Variants in ADARB2 observed in about 807,000 individuals in gnomAD.
ADARB2 encodes inactive double-stranded RNA-specific editase B2.
Under a neutral mutation model 62.2 loss-of-function variants are expected in ADARB2, and 25 were observed. The observed-to-expected ratio is 0.40, with a 90% CI of 0.29 to 0.56. The LOEUF is 0.56. Among genes scored for constraint, ADARB2 ranks in the 20% least tolerant of loss-of-function variants. The pLI is 0.43. For synonymous variants in ADARB2, 572 were observed against 500.8 expected (o/e 1.14, Z -1.90); for missense variants, 1,071 against 1,077.4 (o/e 0.99, Z 0.08).
chr10:1,269,985 T>G (rs1831245408), intron 4 of ADARB2, among the ~76,000 whole-genome samples: 1 of 152,170 alleles, frequency 6.6e-6, no homozygotes, highest in African/African-American at 2.4e-5. Context: ...TAAAGCAACT[T>G]TACCTTTCAA....
At chr10:1,478,658 A>G (rs182046191) in intron 1 of ADARB2, among the ~76,000 whole-genome samples, 435 of 151,258 alleles carry the variant, frequency 2.9e-3, no homozygotes, top group Non-Finnish European at 4.9e-3. Context: ...GCACCAAAAC[A>G]AGGACCCTCG....
chr10:1,325,310 C>T (rs1352545799), intron 3 of ADARB2, among the ~76,000 whole-genome samples: 1 of 152,204 alleles, frequency 6.6e-6, no homozygotes, highest in Non-Finnish European at 1.5e-5. Flanking sequence ...TTCATGAGGA[C>T]TTCCGACTGC....
At chr10:1,481,461 C>T (rs767693863) in intron 1 of ADARB2, among the ~76,000 whole-genome samples, 1 of 152,302 alleles carries the variant, frequency 6.6e-6, no homozygotes, top group African/African-American at 2.4e-5. Context: ...TTCTACTTCA[C>T]ATTTAAAAGC....
chr10:1,230,786 C>T (rs1011819757), intron 6 of ADARB2, among the ~76,000 whole-genome samples: 1 of 152,074 alleles, frequency 6.6e-6, no homozygotes, highest in Non-Finnish European at 1.5e-5. Context: ...GATGGGAGAG[C>T]GGAGGAGTGG....
intron 3 of ADARB2, chr10:1,290,904 C>A (rs1027602312): frequency 1.3e-5 from 2 of 152,168 alleles, no homozygotes; most frequent in African/African-American, 4.8e-5. Context: ...TTCTGGTCTA[C>A]TCAGGAAGAT....
intron 4 of ADARB2, among the ~76,000 whole-genome samples, chr10:1,257,712 G>C (rs1365700022): frequency 6.6e-6 from 1 of 152,236 alleles, no homozygotes; most frequent in African/African-American, 2.4e-5. Context: ...GAAGCCAGGA[G>C]ACCCTGTGTT....
intron 1 of ADARB2, among the ~76,000 whole-genome samples, chr10:1,431,607 G>T (rs1830778423): frequency 6.6e-6 from 1 of 151,994 alleles, no homozygotes; most frequent in African/African-American, 2.4e-5. Context: ...AAAGAATAAA[G>T]ATGAGAGAAG....
chr10:1,560,378 C>T (rs1588303026), intron 1 of ADARB2, among the ~76,000 whole-genome samples: 1 of 152,236 alleles, frequency 6.6e-6, no homozygotes, highest in East Asian at 1.9e-4. Context: ...AGCAGAAAAT[C>T]AGACGAGAAG....
rs1175604982 is a variant in ADARB2 at position 1,180,062 on chromosome 10, AG to A, written c.*3130del. 1 of 152,206 alleles carries A rather than the reference AG, an allele frequency of 6.6e-6. No individual in the cohort carries two copies. The highest frequency in any genetic ancestry group is 1.5e-5 in the Non-Finnish European group (1 of 68,074). 9.4% of individuals were successfully genotyped at this position (152,206 alleles called of 1,614,324 possible). A position where few individuals can be genotyped will look rare whatever the true frequency, so the allele number is the denominator to read the frequency against. Reference sequence around the variant, plus strand: ...AATTCAGTGGTCAAAACTGCAGGGCAGACATGGCCTGAAAGTGGTGCTGGGA... The same window carrying A: ...AATTCAGTGGTCAAAACTGCAGGGCAACATGGCCTGAAAGTGGTGCTGGGA... On this transcript the variant is annotated 3_prime_UTR_variant, in exon 10 of 10. Transcript: ENST00000381312.
chr10:1,437,528 GTT>G (rs1830846880), intron 1 of ADARB2, among the ~76,000 whole-genome samples: 2 of 152,204 alleles, frequency 1.3e-5, no homozygotes, highest in Non-Finnish European at 2.9e-5. Flanking sequence ...TTGCACAGCA[GTT>G]GTGTGCCTGG....
rs559383394 is a variant in ADARB2, at chr10:1,223,210, C to G, written c.1514-6091G>C. Among the ~76,000 whole-genome samples, 322 of 152,112 alleles carry G rather than the reference C, an allele frequency of 2.1e-3. 1 individual carries two copies. Among genetic ancestry groups the G allele is most frequent in the African/African-American group, 7.4e-3 (306 of 41,474 alleles). On this transcript the variant is annotated intron_variant, in intron 6 of 9. Coordinates refer to ENST00000381312, the MANE Select transcript of ADARB2 (RefSeq NM_018702.4). The stretch of plus-strand genomic sequence containing the variant: ...ATGGGAGTTCACTCATGATTTGGCT[C>G]TCTGTTTGTCTGTTATTGGTGTATA...
At chr10:1,342,374 C>G (rs1256186246) in intron 3 of ADARB2, among the ~76,000 whole-genome samples, 1 of 152,230 alleles carries the variant, frequency 6.6e-6, no homozygotes, top group Non-Finnish European at 1.5e-5. Flanking sequence ...CTCTGCCCAA[C>G]TACCATGCAC....
intron 1 of ADARB2, chr10:1,534,977 G>A (rs1203943700): frequency 6.0e-6 from 1 of 167,490 alleles, no homozygotes; most frequent in Non-Finnish European, 1.5e-5. Context: ...AGAAGTCACA[G>A]CTGGTTAGGA....
In ADARB2 at chr10:1,367,779, T is replaced by C. The variant is rs368994568; in HGVS notation, c.188-3862A>G. 1.8e-4 allele frequency among the ~76,000 whole-genome samples: 27 copies of C among 152,328 alleles called. 1 individual carries two copies. In the South Asian group the frequency reaches 5.4e-3, roughly 30 times the overall value. Reference sequence around the variant, plus strand: ...GTCAGTGTGATTACAGTGGCTGGCGTTATTGCATGACCTTTGCTGGATCTC... The same window carrying C: ...GTCAGTGTGATTACAGTGGCTGGCGCTATTGCATGACCTTTGCTGGATCTC... On this transcript the variant is annotated intron_variant, in intron 2 of 9. Coordinates refer to ENST00000381312, the MANE Select transcript of ADARB2 (RefSeq NM_018702.4).
chr10:1,498,827 A>G (rs1588278474), intron 1 of ADARB2, among the ~76,000 whole-genome samples: 1 of 152,178 alleles, frequency 6.6e-6, no homozygotes, highest in East Asian at 1.9e-4. Flanking sequence ...TTATTCACTC[A>G]TCACTCACTC....
chr10:1,345,645 G>A (rs766370636), intron 3 of ADARB2, among the ~76,000 whole-genome samples: 22 of 152,282 alleles, frequency 1.4e-4, no homozygotes, highest in East Asian at 3.9e-4. Flanking sequence ...GTTTCCCCCC[G>A]TGACTCTGAT....
chr10:1,653,609 G>A (rs73587121), intron 1 of ADARB2, among the ~76,000 whole-genome samples: 80 of 150,288 alleles, frequency 5.3e-4, no homozygotes, highest in African/African-American at 1.9e-3. Flanking sequence ...TCCACCCAAC[G>A]CCTTCTGTGC....
At position 1,327,565 on chromosome 10, in the gene ADARB2, G is replaced by A. The variant is rs1424004980; in HGVS notation, c.1077+35463C>T. ...GCCCAGCGCCTCCTCACGGCCCAGC[G>A]CCTCCTCACTGCACAGCGCCTCCTC... On this transcript the variant is annotated intron_variant, in intron 3 of 9. Coordinates refer to ENST00000381312, the MANE Select transcript of ADARB2 (RefSeq NM_018702.4). Among the ~76,000 whole-genome samples, 2 of 85,886 alleles carry A rather than the reference G, an allele frequency of 2.3e-5. 1 individual carries two copies. Among genetic ancestry groups the A allele is most frequent in the Non-Finnish European group, 4.7e-5 (2 of 42,872 alleles). 56.3% of individuals were successfully genotyped at this position (85,886 alleles called of 152,430 possible). A position where few individuals can be genotyped will look rare whatever the true frequency, so the allele number is the denominator to read the frequency against.
At chr10:1,685,762 A>C (rs924231087) in intron 1 of ADARB2, among the ~76,000 whole-genome samples, 1 of 152,234 alleles carries the variant, frequency 6.6e-6, no homozygotes, top group Non-Finnish European at 1.5e-5. Flanking sequence ...GGTCCTGCCC[A>C]GACCTCTCCT....
Sources: allele counts gnomAD v4.1 joint callset (sites outside exome capture counted in the v4.1 genomes callset), GRCh38; gene constraint gnomAD v4.1.1; transcripts MANE v1.5; gene names NCBI Gene and HGNC (gene_info 2026-07-23, HGNC 2026-07-21).